Variants in GRB14 observed in about 807,000 individuals in gnomAD.
GRB14 encodes growth factor receptor-bound protein 14.
In GRB14, 38 loss-of-function variants were observed where a neutral mutation model predicts 69.1. The ratio of observed to expected loss-of-function variants is 0.55; its 90% CI spans 0.42 to 0.72. GRB14 has a LOEUF of 0.72. Ranked by LOEUF, GRB14 falls within the 30% of genes least tolerant of loss-of-function variation. The pLI, the probability that GRB14 is intolerant of heterozygous loss-of-function variation, is 0.00. For synonymous variants in GRB14, 247 were observed against 241.3 expected, an observed-to-expected ratio of 1.02 and a Z score of -0.22; for missense variants, 666 against 666.1, an observed-to-expected ratio of 1.00 and a Z score of 0.00.
At chr2:164,493,688 T>C (rs1047717098) in intron 13 of GRB14, among the ~76,000 whole-genome samples, 5 of 152,190 alleles carry the variant, frequency 3.3e-5, no homozygotes, top group African/African-American at 1.2e-4. Flanking sequence ...AAACAATTCG[T>C]ATTTGCTGGG....
At chr2:164,604,233 C>T (rs1689992479) in intron 2 of GRB14, among the ~76,000 whole-genome samples, 1 of 152,116 alleles carries the variant, frequency 6.6e-6, no homozygotes, top group Admixed American at 6.5e-5. Context: ...TAAATACATA[C>T]AATAGAGAAA....
rs1690452233 is a variant in GRB14, at chr2:164,621,189, G to A, written c.121C>T (p.Pro41Ser). The A allele has an allele frequency of 2.4e-6, 3 of 1,243,138 alleles. No individual in the cohort carries two copies. Among genetic ancestry groups the A allele is most frequent in the African/African-American group, 1.5e-5 (1 of 64,606 alleles). 77.0% of individuals were successfully genotyped at this position (1,243,138 alleles called of 1,614,324 possible). The change falls in exon 1 of 14, where the codon CCG (proline) becomes TCG (serine). Residue 41 changes from proline to serine, a missense_variant. Physicochemically the swap from Pro to Ser is moderately conservative, Grantham distance 74 (BLOSUM62 -1). Transcript: ENST00000263915. The surrounding 1 kb of genome is among the most constrained non-coding windows in gnomAD (Gnocchi z 6.0). The part of the protein sequence containing the change: ...QGRGDAHDLA[P>S]APWLHARALL... ...GCTCGCGCGTGCAGCCAGGGGGCCG[G>A]CGCCAGGTCGTGGGCGTCGCCCCTC...
intron 5 of GRB14, 66 bp from the exon 6 acceptor site, chr2:164,522,183 C>A: frequency 3.5e-6 from 3 of 866,356 alleles, no homozygotes; most frequent in South Asian, 1.6e-5. Flanking sequence ...TTATACTAAT[C>A]ATATTAAGAT....
intron 3 of GRB14, among the ~76,000 whole-genome samples, chr2:164,529,933 C>A (rs371491060): frequency 1.3e-5 from 2 of 152,144 alleles, no homozygotes; most frequent in East Asian, 1.9e-4. Context: ...CACAGTATGT[C>A]AAAAACTCAT....
rs151000514 is a variant in GRB14 at position 164,619,821 on chromosome 2, T to A, written c.192-2A>T. The A allele has an allele frequency of 3.1e-6, 5 of 1,602,218 alleles. No homozygotes were observed. The highest frequency in any genetic ancestry group is 4.3e-6 in the Non-Finnish European group (5 of 1,173,924). On this transcript the variant is annotated splice_acceptor_variant, in intron 1 of 13. Coordinates refer to ENST00000263915, the MANE Select transcript of GRB14 (RefSeq NM_004490.3). LOFTEE classifies it high-confidence loss of function. ...ACATCAAGATCTTTCTTTTTTCTCC[T>A]ACAGTAAGAGAACATAGGATGTAAT...
intron 8 of GRB14, 148 bp from the exon 9 acceptor site, chr2:164,502,483 T>C (rs1488953462): frequency 3.6e-6 from 2 of 563,018 alleles, no homozygotes; most frequent in Non-Finnish European, 6.4e-6. Context: ...AAGATGAACT[T>C]TTAGTGCCCT....
intron 2 of GRB14, among the ~76,000 whole-genome samples, chr2:164,569,943 A>G (rs1399121904): frequency 6.6e-6 from 1 of 152,176 alleles, no homozygotes; most frequent in Non-Finnish European, 1.5e-5. Context: ...TCTAACCTTG[A>G]GCTACTTTTC....
intron 2 of GRB14, among the ~76,000 whole-genome samples, chr2:164,607,634 T>G (rs1690071850): frequency 6.6e-6 from 1 of 152,152 alleles, no homozygotes; most frequent in Non-Finnish European, 1.5e-5. Context: ...ATAATACAAC[T>G]GAAAATGACA....
chr2:164,497,097 T>TAAAG lies in GRB14; in HGVS notation c.1295-6_1295-3dup, dbSNP rs1686920755. The TAAAG allele has an allele frequency of 1.2e-6, 2 of 1,613,044 alleles. No homozygotes were observed. The highest frequency in any genetic ancestry group is 1.7e-5 in the Admixed American group (1 of 59,980). ...ACCATGGCTGGGACCGGTGGATAGCTAAAGAAATAGGATGGATGAATGCAA... is the reference window on the plus strand; with the variant it reads ...ACCATGGCTGGGACCGGTGGATAGCTAAAGAAAGAAATAGGATGGATGAATGCAA... On this transcript the variant is annotated splice_region_variant and splice_polypyrimidine_tract_variant and intron_variant, in intron 11 of 13. Coordinates refer to ENST00000263915, the MANE Select transcript of GRB14 (RefSeq NM_004490.3).
intron 2 of GRB14, among the ~76,000 whole-genome samples, chr2:164,572,585 T>A (rs773975693): frequency 1.4e-4 from 22 of 152,244 alleles, no homozygotes; most frequent in Admixed American, 1.3e-4. Context: ...GCAAAGTAAG[T>A]ATTATTTCAT....
At chr2:164,531,292 A>G (rs1378911830) in intron 3 of GRB14, among the ~76,000 whole-genome samples, 1 of 152,210 alleles carries the variant, frequency 6.6e-6, no homozygotes, top group East Asian at 1.9e-4. Context: ...CAAGATTATG[A>G]AACACAGGTA....
At chr2:164,590,518 GC>G (rs1268242843) in intron 2 of GRB14, among the ~76,000 whole-genome samples, 3 of 152,134 alleles carry the variant, frequency 2.0e-5, no homozygotes, top group Non-Finnish European at 4.4e-5. Context: ...ATGACCTTAT[GC>G]CACACTCAAA....
intron 3 of GRB14, among the ~76,000 whole-genome samples, chr2:164,531,657 G>A (rs1687941058): frequency 6.6e-6 from 1 of 152,190 alleles, no homozygotes; most frequent in African/African-American, 2.4e-5. Flanking sequence ...AAAGGAGGCA[G>A]AGTTAAAGGG....
intron 6 of GRB14, among the ~76,000 whole-genome samples, chr2:164,515,403 C>T (rs1283600055): frequency 1.3e-5 from 2 of 152,216 alleles, no homozygotes; most frequent in African/African-American, 4.8e-5. Context: ...TGCAGACACT[C>T]TCCAGTACCA....
intron 2 of GRB14, among the ~76,000 whole-genome samples, chr2:164,582,431 T>C (rs71426729): frequency 6.7e-6 from 1 of 150,316 alleles, no homozygotes; most frequent in Non-Finnish European, 1.5e-5. Context: ...ATTATTTTTT[T>C]TTTTTTTTGA....
intron 2 of GRB14, among the ~76,000 whole-genome samples, chr2:164,578,556 T>C (rs907348619): frequency 3.7e-5 from 4 of 108,696 alleles, no homozygotes; most frequent in African/African-American, 1.1e-4. Context: ...ACACACAATA[T>C]ACCACTGGAC....
intron 8 of GRB14, among the ~76,000 whole-genome samples, chr2:164,504,816 G>T (rs1687148733): frequency 6.6e-6 from 1 of 152,182 alleles, no homozygotes; most frequent in Non-Finnish European, 1.5e-5. Flanking sequence ...GTAAGGTGGG[G>T]TGATGGTCCT....
intron 2 of GRB14, among the ~76,000 whole-genome samples, chr2:164,580,054 CTT>C (rs561107270): frequency 4.7e-4 from 72 of 151,812 alleles, no homozygotes; most frequent in Non-Finnish European, 8.1e-4. Context: ...CTTACTATAT[CTT>C]TACTTCTGAT....
Position 164,493,091 on chromosome 2 carries a change from T to C in GRB14, c.1568A>G (p.Asn523Ser). The C allele has an allele frequency of 6.2e-7, 1 of 1,613,668 alleles. No individual in the cohort carries two copies. Among genetic ancestry groups the C allele is most frequent in the Non-Finnish European group, 8.5e-7 (1 of 1,179,658 alleles). ...CAACTTGCAAGGAAGAACGCCCTTA[T>C]TGAGTTGATAGAACTCCACCAGCTG... is the stretch of plus-strand genomic sequence containing the variant. ...LIQLVEFYQL[N>S]KGVLPCKLKH... Residue 523 changes from asparagine to serine, a missense_variant, in exon 14 of 14, where the codon AAT becomes AGT. Asn to Ser is a conservative substitution (Grantham distance 46). Transcript: ENST00000263915.
Sources: allele counts gnomAD v4.1 joint callset (sites outside exome capture counted in the v4.1 genomes callset), GRCh38; gene constraint gnomAD v4.1.1; non-coding constraint Gnocchi (gnomAD v3.1); transcripts MANE v1.5; gene names NCBI Gene and HGNC (gene_info 2026-07-23, HGNC 2026-07-21).